Variants in ANKMY1 observed in about 807,000 individuals in gnomAD.
ANKMY1 encodes the protein ankyrin repeat and MYND domain-containing protein 1.
A neutral mutation model predicts 102.0 loss-of-function variants in ANKMY1; 98 were observed. The observed-to-expected ratio is 0.96, with a 90% CI of 0.82 to 1.14. The LOEUF is 1.14. Ranked by LOEUF, ANKMY1 falls within the 50% of genes most tolerant of loss-of-function variation. ANKMY1 has a pLI of 0.00. For missense variants in ANKMY1, 1,330 were observed against 1,347.6 expected, an observed-to-expected ratio of 0.99 and a Z score of 0.20; for synonymous variants, 582 against 559.9, an observed-to-expected ratio of 1.04 and a Z score of -0.56.
chr2:240,488,680 C>A (rs975728241), intron 15 of ANKMY1, among the ~76,000 whole-genome samples: 4 of 152,136 alleles, frequency 2.6e-5, no homozygotes, highest in African/African-American at 9.7e-5. Flanking sequence ...TTATGGAGAT[C>A]CTTCAACTCC....
At chr2:240,519,017 T>C (rs1224005144) in intron 9 of ANKMY1, among the ~76,000 whole-genome samples, 2 of 152,188 alleles carry the variant, frequency 1.3e-5, no homozygotes, top group African/African-American at 4.8e-5. Flanking sequence ...ATCAACACCC[T>C]GTGAAGAAGG....
At chr2:240,502,439 C>T (rs543573350) in intron 13 of ANKMY1, among the ~76,000 whole-genome samples, 7 of 152,054 alleles carry the variant, frequency 4.6e-5, no homozygotes, top group Non-Finnish European at 1.0e-4. Flanking sequence ...CCACAGCTCC[C>T]ACGTCTCCAC....
chr2:240,492,816 T>A (rs13398276), intron 15 of ANKMY1, among the ~76,000 whole-genome samples: 122,507 of 152,064 alleles, frequency 0.81, 49,548 homozygotes, highest in East Asian at 0.99. Context: ...TCAGCCTCGC[T>A]AGTGGCTGAG....
chr2:240,469,131 G>A, the ANKMY1 span, among the ~76,000 whole-genome samples: 5 of 152,224 alleles, frequency 3.3e-5, no homozygotes, highest in African/African-American at 9.6e-5. Flanking sequence ...TGGTCCAGCC[G>A]GCAGGATCTC....
At chr2:240,468,754 G>A in the ANKMY1 span, among the ~76,000 whole-genome samples, 1 of 152,184 alleles carries the variant, frequency 6.6e-6, no homozygotes, top group African/African-American at 2.4e-5. Context: ...TAGCAACTGG[G>A]ACCTCCAGGC....
chr2:240,554,859 C>A lies in ANKMY1; in HGVS notation c.336+7G>T. ...GGAGGAGGCGGAGAAAGTGTGGAAG[C>A]AGTTACCTCGCCTGTGGGCCAAGAG... is the stretch of plus-strand genomic sequence containing the variant. On this transcript the variant is annotated splice_region_variant and intron_variant, in intron 3 of 17. Transcript: ENST00000401804. The A allele has an allele frequency of 6.2e-7, 1 of 1,613,948 alleles. No individual in the cohort carries two copies. The highest frequency in any genetic ancestry group is 8.5e-7 in the Non-Finnish European group (1 of 1,179,858).
At chr2:240,540,814 G>T (rs1386025250) in intron 4 of ANKMY1, among the ~76,000 whole-genome samples, 2 of 152,200 alleles carry the variant, frequency 1.3e-5, no homozygotes, top group Admixed American at 1.3e-4. Flanking sequence ...GGAACGCATT[G>T]CTCGTGCATC....
chr2:240,512,199 G>T (rs1293205557), intron 10 of ANKMY1, among the ~76,000 whole-genome samples, 198 bp from the exon 11 acceptor site: 4 of 152,222 alleles, frequency 2.6e-5, no homozygotes, highest in African/African-American at 7.2e-5. Flanking sequence ...CATCCACAGA[G>T]GTCAGAGCCA....
chr2:240,542,056 A>C (rs1030016023), intron 4 of ANKMY1, among the ~76,000 whole-genome samples: 22 of 151,996 alleles, frequency 1.4e-4, no homozygotes, highest in Admixed American at 1.4e-3. Flanking sequence ...AAAAATACAA[A>C]AATTAGCTGG....
At chr2:240,542,724 A>ACC (rs769071054) in intron 4 of ANKMY1, among the ~76,000 whole-genome samples, 10 of 147,050 alleles carry the variant, frequency 6.8e-5, no homozygotes, top group Non-Finnish European at 1.5e-4. Flanking sequence ...TTATATCTAT[A>ACC]TATATATATA....
At position 240,520,313 on chromosome 2, in the gene ANKMY1, C is replaced by G. The variant is rs1299278487; in HGVS notation, c.2004+49G>C. The G allele has an allele frequency of 1.3e-6, 2 of 1,499,830 alleles. No individual in the cohort carries two copies. The highest frequency in any genetic ancestry group is 2.0e-4 in the Middle Eastern group (1 of 5,094). The allele number at this position is 1,499,830 out of a possible 1,614,324, so 92.9% of individuals were successfully genotyped here. ...GAGCGAGGAGCTTCCCGGCCAGTGC[C>G]CGGGAGTCTGCTGCGCTCGTCCCGG... is the stretch of plus-strand genomic sequence containing the variant. On this transcript the variant is annotated intron_variant, in intron 9 of 17. Coordinates refer to ENST00000401804, the MANE Select transcript of ANKMY1 (RefSeq NM_001282771.3). This position sits in a 1 kb window ranked among gnomAD's most constrained non-coding sequence, Gnocchi z 4.8.
At position 240,499,070 on chromosome 2, in the gene ANKMY1, G is replaced by A. The variant is rs573572363; in HGVS notation, c.2806+888C>T. On this transcript the variant is annotated intron_variant, in intron 15 of 17. Transcript: ENST00000401804. The surrounding 1 kb of genome is among the most constrained non-coding windows in gnomAD (Gnocchi z 4.2). ...GGACTAACAGCACGTGGAAGTGTGT[G>A]GGGCGGAGCACTGTGTGCTGGGAAG... 1.2e-4 allele frequency among the ~76,000 whole-genome samples: 19 copies of A among 152,286 alleles called. No homozygotes were observed. The South Asian group carries it at 3.9e-3, about 32-fold the overall frequency.
intron 4 of ANKMY1, among the ~76,000 whole-genome samples, chr2:240,545,739 C>G (rs1415310849): frequency 1.3e-5 from 2 of 152,036 alleles, no homozygotes; most frequent in African/African-American, 4.8e-5. Flanking sequence ...CCGATGCGAT[C>G]AACTGGAAGA....
At chr2:240,502,105 A>C (rs913479780) in intron 13 of ANKMY1, among the ~76,000 whole-genome samples, 2 of 152,102 alleles carry the variant, frequency 1.3e-5, no homozygotes, top group African/African-American at 4.8e-5. Flanking sequence ...GTGGTGATGG[A>C]CAGGTGGGTG....
intron 8 of ANKMY1, chr2:240,522,760 CA>C (rs1559316118): frequency 6.6e-6 from 1 of 152,216 alleles, no homozygotes; most frequent in African/African-American, 2.4e-5. Flanking sequence ...GGCATGTCTT[CA>C]GGCAGTATCA....
At chr2:240,561,008 C>G (rs752876567), upstream of ANKMY1, 24 of 1,536,144 alleles carry the variant, frequency 1.6e-5, no homozygotes, top group Non-Finnish European at 2.1e-5. Context: ...ACGGCCGCAG[C>G]CGCTCGGCCG....
At position 240,555,327 on chromosome 2, in the gene ANKMY1, G is replaced by A. The variant is rs1358486687; in HGVS notation, c.147-272C>T. On this transcript the variant is annotated intron_variant, in intron 2 of 17. Coordinates refer to ENST00000401804, the MANE Select transcript of ANKMY1 (RefSeq NM_001282771.3). Reference sequence around the variant, plus strand: ...CTCTAGAGGCAGGACCAGTCGGCCTGTCCAGCCCGGGCCTGCTGGCGGCAT... The same window carrying A: ...CTCTAGAGGCAGGACCAGTCGGCCTATCCAGCCCGGGCCTGCTGGCGGCAT... The A allele has an allele frequency of 1.3e-5, 6 of 465,712 alleles. No homozygotes were observed. In the Admixed American group the frequency reaches 1.7e-4, roughly 13 times the overall value. The allele number at this position is 465,712 out of a possible 1,614,324, so 28.8% of individuals were successfully genotyped here.
At chr2:240,538,178 C>G (rs1398320912) in intron 4 of ANKMY1, among the ~76,000 whole-genome samples, 1 of 152,264 alleles carries the variant, frequency 6.6e-6, no homozygotes, top group African/African-American at 2.4e-5. Flanking sequence ...CCGCTCCCGC[C>G]GCGCTTGAGG....
rs921159617 is a variant in ANKMY1, at chr2:240,557,944, G to T, written c.-81C>A. The T allele has an allele frequency of 5.1e-6, 5 of 985,540 alleles. No homozygotes were observed. The African/African-American group carries it at 8.7e-5, about 17-fold the overall frequency. 61.0% of individuals were successfully genotyped at this position (985,540 alleles called of 1,614,324 possible). A position where few individuals can be genotyped will look rare whatever the true frequency, so the allele number is the denominator to read the frequency against. On this transcript the variant is annotated 5_prime_UTR_variant, in exon 1 of 18. Transcript: ENST00000401804. ...GACCGACGGGACTGCAGCCACCGCG[G>T]ACGCCCGCGCTCCCGTCCCGACTGC... is the stretch of plus-strand genomic sequence containing the variant.
Sources: allele counts gnomAD v4.1 joint callset (sites outside exome capture counted in the v4.1 genomes callset), GRCh38; gene constraint gnomAD v4.1.1; non-coding constraint Gnocchi (gnomAD v3.1); transcripts MANE v1.5; gene names NCBI Gene and HGNC (gene_info 2026-07-23, HGNC 2026-07-21).